The following VWA8 variants were observed in gnomAD, a reference collection of about 807,000 sequenced individuals.
VWA8 encodes the protein von Willebrand factor A domain containing 8, also known as von Willebrand factor A domain-containing protein 8.
In VWA8, 221 loss-of-function variants were observed where a neutral mutation model predicts 241.5. The ratio of observed to expected loss-of-function variants is 0.91; its 90% CI spans 0.82 to 1.02. VWA8 has a LOEUF of 1.02. Among genes scored for constraint, VWA8 ranks in the 50% least tolerant of loss-of-function variants. The pLI is 0.00. For missense variants in VWA8, 2,322 were observed against 2,328.7 expected (o/e 1.00, Z 0.06); for synonymous variants, 852 against 827.1 (o/e 1.03, Z -0.52).
chr13:41,566,972 A>C lies in VWA8; in HGVS notation c.*1225T>G, dbSNP rs2044265315. 1 of 152,200 alleles carries C rather than the reference A, an allele frequency of 6.6e-6. No individual in the cohort carries two copies. Among genetic ancestry groups the C allele is most frequent in the African/African-American group, 2.4e-5 (1 of 41,442 alleles). 9.4% of individuals were successfully genotyped at this position (152,200 alleles called of 1,614,324 possible). On this transcript the variant is annotated 3_prime_UTR_variant, in exon 45 of 45. Transcript: ENST00000379310. Reference sequence around the variant, plus strand: ...TTATGGACCTGTACAATTTCAATAGATATGGATGGATAGGATAATATTATT... The same window carrying C: ...TTATGGACCTGTACAATTTCAATAGCTATGGATGGATAGGATAATATTATT...
At chr13:41,881,735 C>A (rs1874211805) in intron 9 of VWA8, among the ~76,000 whole-genome samples, 1 of 146,776 alleles carries the variant, frequency 6.8e-6, no homozygotes, top group African/African-American at 2.5e-5. Flanking sequence ...GGGGCTGACC[C>A]CCCCACCTCC....
At chr13:41,701,998 A>G (rs2045253362) in intron 27 of VWA8, among the ~76,000 whole-genome samples, 1 of 152,254 alleles carries the variant, frequency 6.6e-6, no homozygotes, top group Non-Finnish European at 1.5e-5. Flanking sequence ...AATGCAAAAC[A>G]TGTGGCATTT....
intron 21 of VWA8, among the ~76,000 whole-genome samples, chr13:41,742,970 CTT>C (rs1033560065): frequency 2.0e-5 from 3 of 152,162 alleles, no homozygotes; most frequent in Admixed American, 2.0e-4. Context: ...GAGGAAAACA[CTT>C]TGATTTTCAT....
chr13:41,708,364 A>T (rs1343661912), intron 26 of VWA8, among the ~76,000 whole-genome samples: 65 of 152,136 alleles, frequency 4.3e-4, no homozygotes, highest in Admixed American at 4.3e-3. Context: ...TTGGTCTTAA[A>T]AAAAAAAAAT....
At chr13:41,690,112 AT>A in intron 33 of VWA8, 53 bp downstream of exon 33, 1 of 1,480,992 alleles carries the variant, frequency 6.8e-7, no homozygotes, top group South Asian at 1.2e-5. Flanking sequence ...AGAAGACAGT[AT>A]ATGTACAAGC....
intron 1 of VWA8, among the ~76,000 whole-genome samples, chr13:41,959,493 C>CAAAAAAAAAAAAAAAAAAAAAAAAAAAA (rs59960898): frequency 2.6e-5 from 2 of 76,470 alleles, no homozygotes; most frequent in Non-Finnish European, 5.0e-5. Flanking sequence ...TGAGAAAAAG[C>CAAAAAAAAAAAAAAAAAAAAAAAAAAAA]AAAAAAAAAA....
intron 37 of VWA8, among the ~76,000 whole-genome samples, chr13:41,652,433 G>A (rs2139688831): frequency 6.6e-6 from 1 of 152,256 alleles, no homozygotes; most frequent in African/African-American, 2.4e-5. Context: ...CTGAAATGGT[G>A]GTTGTAATGA....
At chr13:41,593,971 T>C (rs781532581) in intron 40 of VWA8, among the ~76,000 whole-genome samples, 4 of 152,142 alleles carry the variant, frequency 2.6e-5, no homozygotes, top group Non-Finnish European at 5.9e-5. Flanking sequence ...AAGCATTGAT[T>C]TTCCAAGTTT....
chr13:41,605,652 T>A (rs1020158394), intron 39 of VWA8, among the ~76,000 whole-genome samples: 6 of 152,128 alleles, frequency 3.9e-5, no homozygotes, highest in African/African-American at 1.4e-4. Flanking sequence ...CATTGCTATA[T>A]CCCAAAGCCA....
chr13:41,940,296 T>A (rs1238104644), intron 2 of VWA8, among the ~76,000 whole-genome samples: 1 of 152,174 alleles, frequency 6.6e-6, no homozygotes, highest in Non-Finnish European at 1.5e-5. Context: ...AAATATTAAA[T>A]ATCTAAAAAG....
intron 22 of VWA8, among the ~76,000 whole-genome samples, chr13:41,731,285 G>A (rs1015939515): frequency 1.3e-5 from 2 of 152,156 alleles, no homozygotes; most frequent in African/African-American, 4.8e-5. Flanking sequence ...ATGCCTGGCA[G>A]GCTGAGATTT....
chr13:41,778,905 G>C (rs1213628097), intron 19 of VWA8, among the ~76,000 whole-genome samples: 1 of 132,258 alleles, frequency 7.6e-6, no homozygotes, highest in East Asian at 2.3e-4. Flanking sequence ...GCAGTGGCGC[G>C]ATCTCGGCTC....
intron 17 of VWA8, among the ~76,000 whole-genome samples, chr13:41,794,066 G>A (rs1869577577): frequency 1.3e-5 from 2 of 151,968 alleles, no homozygotes; most frequent in African/African-American, 4.8e-5. Flanking sequence ...TTTGAAGTCA[G>A]GTAGTGTGTT....
intron 29 of VWA8, among the ~76,000 whole-genome samples, chr13:41,696,729 C>T (rs1482569299): frequency 6.6e-6 from 1 of 150,616 alleles, no homozygotes; most frequent in East Asian, 1.9e-4. Flanking sequence ...ACAATTGATC[C>T]TTATCTTTGA....
At chr13:41,712,766 A>C (rs2045326670) in intron 26 of VWA8, among the ~76,000 whole-genome samples, 1 of 152,192 alleles carries the variant, frequency 6.6e-6, no homozygotes, top group African/African-American at 2.4e-5. Flanking sequence ...AATCTGTAAA[A>C]CAGATTCAAA....
In VWA8 at chr13:41,912,163, C is replaced by T; in HGVS notation, c.247G>A (p.Asp83Asn). 6.3e-7 allele frequency: 1 copy of T among 1,585,626 alleles called. No individual in the cohort carries two copies. The highest frequency in any genetic ancestry group is 8.6e-7 in the Non-Finnish European group (1 of 1,166,160). Residue 83 changes from aspartate to asparagine, a missense_variant, in exon 3 of 45, where the codon GAC becomes AAC. Asp to Asn is a conservative substitution (Grantham distance 23). Coordinates refer to ENST00000379310, the MANE Select transcript of VWA8 (RefSeq NM_015058.2). ...PELVPQNYIS[D>N]SLAQSVVQHL... ...TGAACTACAGATTGAGCCAGAGAGTCTGAAACTATAAAGAAAAAAGAGAAA... is the reference window on the plus strand; with the variant it reads ...TGAACTACAGATTGAGCCAGAGAGTTTGAAACTATAAAGAAAAAAGAGAAA...
intron 43 of VWA8, among the ~76,000 whole-genome samples, chr13:41,573,557 T>C (rs918488952): frequency 6.9e-6 from 1 of 144,354 alleles, no homozygotes; most frequent in Non-Finnish European, 1.5e-5. Context: ...ATAAAATATA[T>C]ACACGTATAT....
intron 26 of VWA8, among the ~76,000 whole-genome samples, chr13:41,711,571 G>A (rs1028933402): frequency 1.3e-5 from 2 of 152,116 alleles, no homozygotes; most frequent in African/African-American, 4.8e-5. Context: ...CTAAGTAAAG[G>A]ATTTTTATAA....
rs368856874 is a variant in VWA8, at chr13:41,819,200, G to C, written c.1869+18C>G. On this transcript the variant is annotated intron_variant, in intron 15 of 44. Coordinates refer to ENST00000379310, the MANE Select transcript of VWA8 (RefSeq NM_015058.2). The stretch of plus-strand genomic sequence containing the variant: ...TCAGCTTTTTAAGAAAATAGACTAA[G>C]ATTGGCTTTCTTCTTACCTTTTCCT... 5.9e-4 allele frequency: 936 copies of C among 1,589,172 alleles called. No homozygotes were observed. Among genetic ancestry groups the C allele is most frequent in the Non-Finnish European group, 7.7e-4 (897 of 1,172,462 alleles).
Sources: gnomAD v4.1 joint callset for allele counts (sites outside exome capture counted in the v4.1 genomes callset) on GRCh38, gnomAD v4.1.1 for gene constraint, MANE v1.5 for transcripts, NCBI Gene and HGNC (gene_info 2026-07-23, HGNC 2026-07-21) for gene names.